Variants in KSR2 observed in about 807,000 individuals in gnomAD.
KSR2 encodes kinase suppressor of ras 2.
Under a neutral mutation model 107.8 loss-of-function variants are expected in KSR2, and 25 were observed. The ratio of observed to expected loss-of-function variants is 0.23; its 90% CI spans 0.17 to 0.32. The LOEUF is 0.32. Ranked by LOEUF, KSR2 falls within the 10% of genes least tolerant of loss-of-function variation. The probability of loss-of-function intolerance (pLI) is 1.00; values close to 1 mark genes in which losing one functional copy is unlikely to be tolerated. For missense variants in KSR2, 887 were observed against 1,268.9 expected, an observed-to-expected ratio of 0.70 and a Z score of 4.57; for synonymous variants, 480 against 507.0, an observed-to-expected ratio of 0.95 and a Z score of 0.71.
chr12:117,848,838 G>GTGGTGA (rs1373278821), intron 3 of KSR2, among the ~76,000 whole-genome samples: 1,505 of 93,560 alleles, frequency 0.016, 11 homozygotes, highest in Middle Eastern at 0.07. Flanking sequence ...GGTGGTAGTG[G>GTGGTGA]TGGTGATGGT....
chr12:117,487,627 C>T (rs1253476934), intron 14 of KSR2, among the ~76,000 whole-genome samples: 4 of 152,182 alleles, frequency 2.6e-5, no homozygotes, highest in Non-Finnish European at 5.9e-5. Context: ...CAGCCACCTA[C>T]ACTCATCACA....
intron 4 of KSR2, among the ~76,000 whole-genome samples, chr12:117,746,268 A>T (rs1319990917): frequency 6.6e-6 from 1 of 152,196 alleles, no homozygotes; most frequent in Non-Finnish European, 1.5e-5. Flanking sequence ...AGACCTCAGA[A>T]ATAATACCAC....
chr12:117,950,437 C>G (rs1302232696), intron 1 of KSR2, among the ~76,000 whole-genome samples: 2 of 152,018 alleles, frequency 1.3e-5, no homozygotes, highest in Non-Finnish European at 2.9e-5. Flanking sequence ...TGTTTGAAAT[C>G]TTACATAAAT....
intron 3 of KSR2, among the ~76,000 whole-genome samples, chr12:117,799,227 C>T (rs1030256215): frequency 7.9e-5 from 12 of 152,172 alleles, no homozygotes; most frequent in African/African-American, 1.2e-4. Context: ...ATGGGCTGGG[C>T]GCGGTGGCTC....
At chr12:117,667,798 G>A (rs1448102142) in intron 4 of KSR2, 140 bp from the exon 5 acceptor site, 1 of 692,342 alleles carries the variant, frequency 1.4e-6, no homozygotes, top group East Asian at 2.8e-5. Context: ...AGGCTTTTAG[G>A]TAGAGACACA....
rs1896861266 is a variant in KSR2, at chr12:117,968,313, G to GGGA, written c.-61_-59dup. ...CCTCCCAGAGAGAAAAAAGAGGGGG[G>GGGA]GGAGTAGAGGTAGTCTACCCTCCGC... On this transcript the variant is annotated 5_prime_UTR_variant, in exon 1 of 20. Transcript: ENST00000339824. The GGGA allele has an allele frequency of 6.9e-7, 1 of 1,452,684 alleles. No individual in the cohort carries two copies. The highest frequency in any genetic ancestry group is 1.5e-5 in the African/African-American group (1 of 68,016). 90.0% of individuals were successfully genotyped at this position (1,452,684 alleles called of 1,614,324 possible). A position where few individuals can be genotyped will look rare whatever the true frequency, so the allele number is the denominator to read the frequency against.
chr12:117,608,949 G>A (rs1019270860), intron 5 of KSR2, among the ~76,000 whole-genome samples: 1 of 152,166 alleles, frequency 6.6e-6, no homozygotes. Flanking sequence ...ATTCTGGGAG[G>A]TTGTCCACAG....
intron 1 of KSR2, among the ~76,000 whole-genome samples, chr12:117,877,416 T>C (rs1380390178): frequency 1.3e-5 from 2 of 152,214 alleles, no homozygotes; most frequent in East Asian, 3.8e-4. Flanking sequence ...TATATATTTA[T>C]AATAATAAAA....
At chr12:117,471,105 A>G in intron 18 of KSR2, 86 bp downstream of exon 18, 1 of 1,514,662 alleles carries the variant, frequency 6.6e-7, no homozygotes, top group Non-Finnish European at 8.9e-7. Context: ...AAGCATTTGT[A>G]ACCTTAACAC....
At chr12:117,779,817 T>C (rs1169854180) in intron 3 of KSR2, among the ~76,000 whole-genome samples, 2 of 152,196 alleles carry the variant, frequency 1.3e-5, no homozygotes, top group African/African-American at 4.8e-5. Context: ...TTAAACTCTT[T>C]CCTTTATAAA....
chr12:117,904,066 A>T (rs2137403431), intron 1 of KSR2, among the ~76,000 whole-genome samples: 1 of 149,416 alleles, frequency 6.7e-6, no homozygotes, highest in South Asian at 2.1e-4. Flanking sequence ...TCTTGTCTCT[A>T]AAAAAAAAAT....
At chr12:117,625,619 G>A (rs1852951746) in intron 5 of KSR2, among the ~76,000 whole-genome samples, 1 of 152,112 alleles carries the variant, frequency 6.6e-6, no homozygotes, top group Non-Finnish European at 1.5e-5. Context: ...ATTTTATTGA[G>A]GATTTTCGCA....
rs894654598 is a variant in KSR2, at chr12:117,456,719, C to T, written c.*10480G>A. 2 of 152,188 alleles carry T rather than the reference C, an allele frequency of 1.3e-5. No individual in the cohort carries two copies. Among genetic ancestry groups the T allele is most frequent in the African/African-American group, 4.8e-5 (2 of 41,418 alleles). The allele number at this position is 152,188 out of a possible 1,614,324, so 9.4% of individuals were successfully genotyped here. Reference sequence around the variant, plus strand: ...CCAATCCTGGGACTGCCGGAAGCTCCAGGGATTTGATTCTAGGGGTAAAAC... The same window carrying T: ...CCAATCCTGGGACTGCCGGAAGCTCTAGGGATTTGATTCTAGGGGTAAAAC... On this transcript the variant is annotated 3_prime_UTR_variant, in exon 20 of 20. Transcript: ENST00000339824.
At chr12:117,924,572 CAAAAAAAAAAAAAAA>C (rs58789868) in intron 1 of KSR2, among the ~76,000 whole-genome samples, 1 of 39,532 alleles carries the variant, frequency 2.5e-5, no homozygotes, top group Non-Finnish European at 4.9e-5. Flanking sequence ...AGCTCCATCT[CAAAAAAAAAAAAAAA>C]AAAAAAAAAG....
At chr12:117,476,740 C>T (rs899072501) in intron 16 of KSR2, 145 bp from the exon 17 acceptor site, 28 of 782,502 alleles carry the variant, frequency 3.6e-5, no homozygotes, top group Admixed American at 3.1e-4. Context: ...TACTGGAGGC[C>T]GAGACCCAGT....
chr12:117,732,888 C>T (rs763336017), intron 4 of KSR2, among the ~76,000 whole-genome samples: 1 of 152,146 alleles, frequency 6.6e-6, no homozygotes, highest in African/African-American at 2.4e-5. Flanking sequence ...AGAGGAGATG[C>T]ATGCAGAGCA....
At chr12:117,596,195 G>A (rs554307613) in intron 5 of KSR2, among the ~76,000 whole-genome samples, 6 of 152,248 alleles carry the variant, frequency 3.9e-5, no homozygotes, top group South Asian at 2.1e-4. Flanking sequence ...GGCGGAAGGC[G>A]AAAGGCACGT....
At chr12:117,886,955 A>T (rs898769305) in intron 1 of KSR2, among the ~76,000 whole-genome samples, 29 of 152,124 alleles carry the variant, frequency 1.9e-4, no homozygotes, top group African/African-American at 6.7e-4. Flanking sequence ...ACAGAGTCTT[A>T]CTCTATCACC....
chr12:117,890,269 C>T (rs528638215), intron 1 of KSR2, among the ~76,000 whole-genome samples: 1 of 152,334 alleles, frequency 6.6e-6, no homozygotes, highest in South Asian at 2.1e-4. Flanking sequence ...CCAAGTCACA[C>T]TGGGTCCCAT....
Sources: allele counts gnomAD v4.1 joint callset (sites outside exome capture counted in the v4.1 genomes callset), GRCh38; gene constraint gnomAD v4.1.1; transcripts MANE v1.5; gene names NCBI Gene and HGNC (gene_info 2026-07-23, HGNC 2026-07-21).